The following LAMA2 variants were observed in gnomAD, a reference collection of about 807,000 sequenced individuals.
LAMA2 encodes the protein laminin subunit alpha-2.
A neutral mutation model predicts 364.8 loss-of-function variants in LAMA2; 269 were observed. The observed-to-expected ratio is 0.74, with a 90% CI of 0.67 to 0.82. The LOEUF is 0.82. Among genes scored for constraint, LAMA2 ranks in the 40% least tolerant of loss-of-function variants. The pLI is 0.00. For synonymous variants in LAMA2, 1,379 were observed against 1,370.6 expected, an observed-to-expected ratio of 1.01 and a Z score of -0.14; for missense variants, 3,807 against 3,873.2, an observed-to-expected ratio of 0.98 and a Z score of 0.45.
rs55776770 is a variant in LAMA2, at chr6:129,516,175, C to A, written c.9212-15C>A. 0.032 allele frequency: 50,866 copies of A among 1,613,500 alleles called. 946 individuals are homozygous for A. Among genetic ancestry groups the A allele is most frequent in the Non-Finnish European group, 0.038 (44,646 of 1,179,400 alleles). ...GACATTTCAAAGCTGAGCCCTCTTG[C>A]ATTGCCTTTTTCAGATGACCTCAAG... is the stretch of plus-strand genomic sequence containing the variant. On this transcript the variant is annotated splice_polypyrimidine_tract_variant and intron_variant, in intron 64 of 64. Coordinates refer to ENST00000421865, the MANE Select transcript of LAMA2 (RefSeq NM_000426.4).
intron 17 of LAMA2, among the ~76,000 whole-genome samples, chr6:129,279,231 C>G (rs911255011): frequency 6.6e-6 from 1 of 152,020 alleles, no homozygotes; most frequent in Non-Finnish European, 1.5e-5. Flanking sequence ...AACGCATTAC[C>G]GTGTGTCAAT....
chr6:129,514,176 T>C (rs945563357), intron 63 of LAMA2, among the ~76,000 whole-genome samples, 197 bp from the exon 64 acceptor site: 1 of 152,216 alleles, frequency 6.6e-6, no homozygotes, highest in Non-Finnish European at 1.5e-5. Context: ...GCAAAGAGCA[T>C]AATTTGTGGC....
intron 10 of LAMA2, among the ~76,000 whole-genome samples, chr6:129,186,684 G>T (rs1313385866): frequency 4.0e-5 from 6 of 151,566 alleles, no homozygotes; most frequent in Non-Finnish European, 7.4e-5. Context: ...GTGGACACTG[G>T]TGATGAATTT....
At chr6:128,944,900 T>A (rs1395430887) in intron 1 of LAMA2, among the ~76,000 whole-genome samples, 1 of 152,106 alleles carries the variant, frequency 6.6e-6, no homozygotes, top group Admixed American at 6.6e-5. Flanking sequence ...CTAAACCACT[T>A]ATGAGAAATC....
chr6:128,917,969 A>G (rs1042089744), intron 1 of LAMA2, among the ~76,000 whole-genome samples: 21 of 151,300 alleles, frequency 1.4e-4, no homozygotes, highest in African/African-American at 4.6e-4. Context: ...GGCTCAAACA[A>G]TCCTCCCCAC....
In LAMA2 at chr6:129,233,544, TAATC is replaced by T. The variant is rs1350800154; in HGVS notation, c.1783-16565_1783-16562del. Among the ~76,000 whole-genome samples the T allele has an allele frequency of 3.9e-5, 6 of 152,170 alleles. No homozygotes were observed. In the East Asian group the frequency reaches 1.2e-3, roughly 29 times the overall value. ...TAAGGAAGATAAAATATATTTGTGT[TAATC>T]AAGTGAAAGTTGATCATCTTAAAGG... is the stretch of plus-strand genomic sequence containing the variant. On this transcript the variant is annotated intron_variant, in intron 12 of 64. Transcript: ENST00000421865.
In LAMA2 at chr6:129,353,258, G is replaced by A. The variant is rs1051428894; in HGVS notation, c.4618G>A (p.Asp1540Asn). ...CTATGGCTCACTGCCTGTGCCCTGT[G>A]ACCCTGTCACAGGATTCTGCACGTG... ...DPYGSLPVPCDPVTGFCTCRP... is the reference protein window; with the variant it reads ...DPYGSLPVPCNPVTGFCTCRP... Residue 1540 changes from aspartate to asparagine, a missense_variant, in exon 32 of 65, where the codon GAC becomes AAC. Asp to Asn is a conservative substitution (Grantham distance 23, BLOSUM62 1). Around this residue, in one of 3 missense-constraint regions of LAMA2, gnomAD observed 3,333 missense variants for 3,345.7 expected, o/e 1.00. Transcript: ENST00000421865. 3 of 1,614,092 alleles carry A rather than the reference G, an allele frequency of 1.9e-6. No homozygotes were observed. Among genetic ancestry groups the A allele is most frequent in the Non-Finnish European group, 2.5e-6 (3 of 1,180,002 alleles).
At chr6:129,350,017 AT>A (rs1461451186) in intron 31 of LAMA2, among the ~76,000 whole-genome samples, 1 of 152,206 alleles carries the variant, frequency 6.6e-6, no homozygotes, top group Admixed American at 6.5e-5. Flanking sequence ...TGTAATCCAA[AT>A]GGTAAATTAA....
intron 12 of LAMA2, among the ~76,000 whole-genome samples, chr6:129,242,477 G>C (rs1785458339): frequency 6.6e-6 from 1 of 151,994 alleles, no homozygotes; most frequent in South Asian, 2.1e-4. Flanking sequence ...TATATTATGA[G>C]CGTGTGGCTT....
chr6:129,432,615 C>A (rs553658617), intron 41 of LAMA2, among the ~76,000 whole-genome samples: 4 of 152,238 alleles, frequency 2.6e-5, no homozygotes, highest in Non-Finnish European at 5.9e-5. Flanking sequence ...AAGAGACTTA[C>A]AGATAACATA....
Position 129,164,966 on chromosome 6 carries a change from C to G in LAMA2, c.1207-610C>G, listed in dbSNP as rs897742743. On this transcript the variant is annotated intron_variant, in intron 8 of 64. Coordinates refer to ENST00000421865, the MANE Select transcript of LAMA2 (RefSeq NM_000426.4). The stretch of plus-strand genomic sequence containing the variant: ...TTACCTATTCTGTGCACAGTCCCAA[C>G]TTCATAATGGGGGAATGAATGAATG... Among the ~76,000 whole-genome samples, 4 of 152,232 alleles carry G rather than the reference C, an allele frequency of 2.6e-5. No homozygotes were observed. The South Asian group carries it at 8.3e-4, about 32-fold the overall frequency.
chr6:129,156,661 A>G (rs1271111492), intron 8 of LAMA2, among the ~76,000 whole-genome samples: 1 of 152,206 alleles, frequency 6.6e-6, no homozygotes. Flanking sequence ...AGCATGGTTC[A>G]TGGCAATAGA....
At chr6:129,395,670 C>G (rs2114679814) in intron 37 of LAMA2, among the ~76,000 whole-genome samples, 1 of 152,286 alleles carries the variant, frequency 6.6e-6, no homozygotes, top group Middle Eastern at 3.4e-3. Flanking sequence ...GCAAACCACT[C>G]CATACGCTAC....
At chr6:128,956,385 C>T (rs1047074359) in intron 1 of LAMA2, among the ~76,000 whole-genome samples, 3 of 151,758 alleles carry the variant, frequency 2.0e-5, no homozygotes, top group Middle Eastern at 3.2e-3. Flanking sequence ...TTCAAGAAGC[C>T]GTGAGATAAT....
chr6:129,013,260 C>T (rs1006580334), intron 1 of LAMA2, among the ~76,000 whole-genome samples: 1 of 152,000 alleles, frequency 6.6e-6, no homozygotes, highest in Non-Finnish European at 1.5e-5. Context: ...ACGGTGAAAC[C>T]CCGTCTCTAC....
At chr6:129,101,132 A>G (rs908922268) in intron 4 of LAMA2, among the ~76,000 whole-genome samples, 2 of 152,222 alleles carry the variant, frequency 1.3e-5, no homozygotes, top group Non-Finnish European at 2.9e-5. Context: ...CATATAAACC[A>G]GTAAATAAAA....
At chr6:129,394,853 A>G (rs1376882562) in intron 37 of LAMA2, among the ~76,000 whole-genome samples, 2 of 152,188 alleles carry the variant, frequency 1.3e-5, no homozygotes, top group African/African-American at 4.8e-5. Flanking sequence ...ACCCCTACAA[A>G]TACCTGGAGC....
At chr6:129,157,455 A>G (rs1779180299) in intron 8 of LAMA2, 3 of 1,553,876 alleles carry the variant, frequency 1.9e-6, no homozygotes, top group African/African-American at 2.7e-5. Context: ...ATTCCACTCT[A>G]ATTCCACCCA....
At chr6:128,991,068 G>T (rs1783579422) in intron 1 of LAMA2, among the ~76,000 whole-genome samples, 1 of 152,060 alleles carries the variant, frequency 6.6e-6, no homozygotes, top group Non-Finnish European at 1.5e-5. Context: ...GATCATTTAA[G>T]TTGGATTTTG....
Sources: allele counts gnomAD v4.1 joint callset (sites outside exome capture counted in the v4.1 genomes callset), GRCh38; gene constraint gnomAD v4.1.1; regional missense constraint gnomAD v4.1.1; transcripts MANE v1.5; gene names NCBI Gene and HGNC (gene_info 2026-07-23, HGNC 2026-07-21).